Variants in NCOA3 observed in about 807,000 individuals in gnomAD.
NCOA3 encodes the protein CBP-interacting protein.
In NCOA3, 51 loss-of-function variants were observed where a neutral mutation model predicts 158.8. The observed-to-expected ratio is 0.32, with a 90% CI of 0.26 to 0.41. The LOEUF (loss-of-function observed/expected upper bound fraction) is 0.41, where lower values mean the gene tolerates loss of function less well. NCOA3 is among the 10% of genes least tolerant of loss of function. The probability of loss-of-function intolerance (pLI) is 1.00; values close to 1 mark genes in which losing one functional copy is unlikely to be tolerated. For synonymous variants in NCOA3, 537 were observed against 592.4 expected (o/e 0.91, Z 1.36); for missense variants, 1,510 against 1,746.6 (o/e 0.86, Z 2.41).
At chr20:47,628,711 C>T (rs943035746) in intron 8 of NCOA3, 36 of 151,956 alleles carry the variant, frequency 2.4e-4, no homozygotes, top group African/African-American at 8.7e-4. Flanking sequence ...TGTGCTTGGC[C>T]GGGAGTAATT....
At chr20:47,640,511 G>A (rs1046657066) in intron 16 of NCOA3, among the ~76,000 whole-genome samples, 1 of 152,086 alleles carries the variant, frequency 6.6e-6, no homozygotes, top group African/African-American at 2.4e-5. Context: ...TTGGCTAATT[G>A]TTTTCTAAAA....
At chr20:47,611,653 A>G (rs2086045861) in intron 2 of NCOA3, among the ~76,000 whole-genome samples, 1 of 152,024 alleles carries the variant, frequency 6.6e-6, no homozygotes, top group African/African-American at 2.4e-5. Context: ...TGAGGTGGGT[A>G]TGGTGGCAGC....
intron 1 of NCOA3, among the ~76,000 whole-genome samples, chr20:47,525,839 G>A (rs2084432044): frequency 7.7e-6 from 1 of 130,586 alleles, no homozygotes; most frequent in African/African-American, 3.0e-5. Flanking sequence ...AGGGGCGGCC[G>A]GGCAGAGGTG....
Position 47,614,211 on chromosome 20 carries a change from T to A in NCOA3, c.-19-8018T>A, listed in dbSNP as rs72645233. On this transcript the variant is annotated intron_variant, in intron 2 of 22. Coordinates refer to ENST00000371998, the MANE Select transcript of NCOA3 (RefSeq NM_181659.3). ...AATGACGGATTGAAAGAAAGAAGATTAAGAAACTTTTTGATATTTTTAGGG... is the reference window on the plus strand; with the variant it reads ...AATGACGGATTGAAAGAAAGAAGATAAAGAAACTTTTTGATATTTTTAGGG... Among the ~76,000 whole-genome samples, 23 of 152,310 alleles carry A rather than the reference T, an allele frequency of 1.5e-4. No individual in the cohort carries two copies. The East Asian group carries it at 4.4e-3, about 29-fold the overall frequency.
intron 1 of NCOA3, among the ~76,000 whole-genome samples, chr20:47,560,239 C>A (rs570304290): frequency 6.6e-6 from 1 of 152,250 alleles, no homozygotes; most frequent in African/African-American, 2.4e-5. Context: ...GCTATCATGG[C>A]CGGCTTTTTG....
At chr20:47,549,917 C>G (rs984189529) in intron 1 of NCOA3, among the ~76,000 whole-genome samples, 3 of 152,050 alleles carry the variant, frequency 2.0e-5, no homozygotes, top group Non-Finnish European at 4.4e-5. Context: ...GTTGCTTAGG[C>G]TGGTCTCAAA....
chr20:47,569,556 G>A (rs56408907), intron 1 of NCOA3, among the ~76,000 whole-genome samples: 2 of 151,648 alleles, frequency 1.3e-5, no homozygotes, highest in Non-Finnish European at 2.9e-5. Context: ...TGGTGGAGGC[G>A]CCTGTAATCC....
chr20:47,611,792 AAAAAC>A (rs905721118), intron 2 of NCOA3, among the ~76,000 whole-genome samples: 8 of 151,964 alleles, frequency 5.3e-5, no homozygotes, highest in African/African-American at 1.5e-4. Context: ...ACTCCATCTC[AAAAAC>A]AAAACAAAAC....
intron 1 of NCOA3, among the ~76,000 whole-genome samples, chr20:47,518,212 G>A (rs2084266108): frequency 6.6e-6 from 1 of 151,754 alleles, no homozygotes; most frequent in Admixed American, 6.6e-5. Context: ...TGGGCATGGT[G>A]GTGCGCACCT....
chr20:47,635,429 A>G lies in NCOA3; in HGVS notation c.1220A>G (p.Gln407Arg), dbSNP rs2086495547. The G allele has an allele frequency of 1.2e-6, 2 of 1,614,166 alleles. No individual in the cohort carries two copies. The highest frequency in any genetic ancestry group is 1.6e-4 in the Middle Eastern group (1 of 6,062). ...SVGGMSMSPN[Q>R]GLQMPSSRAY... ...GGCGGCATGAGTATGTCGCCAAACC[A>G]AGGCTTACAGATGCCGAGCAGCAGG... The change falls in exon 11 of 23, where the codon CAA (glutamine) becomes CGA (arginine). Residue 407 changes from glutamine to arginine, a missense_variant. Physicochemically the swap from Gln to Arg is conservative, Grantham distance 43. Coordinates refer to ENST00000371998, the MANE Select transcript of NCOA3 (RefSeq NM_181659.3).
chr20:47,551,580 G>A (rs1002483706), intron 1 of NCOA3, among the ~76,000 whole-genome samples: 1 of 152,188 alleles, frequency 6.6e-6, no homozygotes, highest in Non-Finnish European at 1.5e-5. Flanking sequence ...ATGTGTGTGT[G>A]TTTCTTTATG....
chr20:47,594,219 C>A (rs1305978698), intron 2 of NCOA3, among the ~76,000 whole-genome samples: 1 of 152,120 alleles, frequency 6.6e-6, no homozygotes, highest in African/African-American at 2.4e-5. Context: ...TTCATAATGA[C>A]CAGTTCACTT....
intron 1 of NCOA3, among the ~76,000 whole-genome samples, chr20:47,525,621 C>A (rs796901687): frequency 7.1e-6 from 1 of 140,848 alleles, no homozygotes; most frequent in Non-Finnish European, 1.5e-5. Flanking sequence ...GGCTGACCCC[C>A]CCACCTCCCT....
At chr20:47,562,772 G>A (rs2085127960) in intron 1 of NCOA3, among the ~76,000 whole-genome samples, 1 of 151,542 alleles carries the variant, frequency 6.6e-6, no homozygotes, top group African/African-American at 2.4e-5. Context: ...GTAATTGTGG[G>A]GATTAACATT....
At chr20:47,537,684 AT>A (rs142471929) in intron 1 of NCOA3, among the ~76,000 whole-genome samples, 36,464 of 151,122 alleles carry the variant, frequency 0.24, 4,544 homozygotes, top group Middle Eastern at 0.33. Context: ...GGTTCAAGTG[AT>A]TCTCCTGCCT....
chr20:47,508,659 TGACA>T (rs1370314848), intron 1 of NCOA3, among the ~76,000 whole-genome samples: 4 of 152,246 alleles, frequency 2.6e-5, no homozygotes, highest in Non-Finnish European at 5.9e-5. Context: ...TGTCCTAAAC[TGACA>T]TTTTTATAAA....
chr20:47,580,719 T>C (rs2085439630), intron 1 of NCOA3, among the ~76,000 whole-genome samples: 1 of 152,160 alleles, frequency 6.6e-6, no homozygotes, highest in Admixed American at 6.6e-5. Context: ...CCAGAAGATC[T>C]TAGAGGTTCT....
intron 2 of NCOA3, among the ~76,000 whole-genome samples, chr20:47,588,539 A>G (rs2085574315): frequency 6.6e-6 from 1 of 152,082 alleles, no homozygotes; most frequent in African/African-American, 2.4e-5. Context: ...GCTGCCTCCC[A>G]TTCTGATTTT....
intron 1 of NCOA3, among the ~76,000 whole-genome samples, chr20:47,505,158 T>C (rs538111937): frequency 5.3e-4 from 77 of 144,456 alleles, no homozygotes; most frequent in African/African-American, 1.9e-3. Context: ...GCCTCCTGGG[T>C]TCAAGCAATT....
Sources: allele counts gnomAD v4.1 joint callset (sites outside exome capture counted in the v4.1 genomes callset), GRCh38; gene constraint gnomAD v4.1.1; transcripts MANE v1.5; gene names NCBI Gene and HGNC (gene_info 2026-07-23, HGNC 2026-07-21).